GOLGA8Q: variants seen among roughly 807,000 people sequenced by gnomAD.
The protein encoded by GOLGA8Q is golgin A8 family member Q.
A neutral mutation model predicts 48.7 loss-of-function variants in GOLGA8Q; 3 were observed. That is an observed-to-expected ratio of 0.06 (90% confidence interval 0.03 to 0.16). GOLGA8Q has a LOEUF of 0.16. GOLGA8Q is among the 10% of genes least tolerant of loss of function. The pLI is 1.00. For synonymous variants in GOLGA8Q, 22 were observed against 138.2 expected, an observed-to-expected ratio of 0.16 and a Z score of 5.90; for missense variants, 49 against 364.3, an observed-to-expected ratio of 0.13 and a Z score of 7.05.
rs777577785 is a variant in GOLGA8Q, at chr15:30,558,072, C to T, written c.786+21C>T. The T allele has an allele frequency of 1.3e-5, 14 of 1,050,252 alleles. 3 individuals carry two copies. Among genetic ancestry groups the T allele is most frequent in the South Asian group, 1.3e-4 (9 of 71,102 alleles). The allele number at this position is 1,050,252 out of a possible 1,614,324, so 65.1% of individuals were successfully genotyped here. A position where few individuals can be genotyped will look rare whatever the true frequency, so the allele number is the denominator to read the frequency against. ...AGGAGGTGAGATCTGACCCTTCAGC[C>T]CCCCCACATTAGATAGGGCACTGGA... On this transcript the variant is annotated intron_variant, in intron 10 of 18. Coordinates refer to ENST00000562783, the MANE Select transcript of GOLGA8Q (RefSeq NM_001355476.2).
At position 30,554,347 on chromosome 15, in the gene GOLGA8Q, C is replaced by T. The variant is rs1481494495; in HGVS notation, c.168+436C>T. 5.3e-5 allele frequency among the ~76,000 whole-genome samples: 6 copies of T among 114,090 alleles called. No individual in the cohort carries two copies. In the East Asian group the frequency reaches 1.0e-3, roughly 20 times the overall value. 74.8% of individuals were successfully genotyped at this position (114,090 alleles called of 152,430 possible). ...CTGGGTTTGAATCCTGCCTCTCCATCTGCTCTGCTAGGGATATGATTTAGG... is the reference window on the plus strand; with the variant it reads ...CTGGGTTTGAATCCTGCCTCTCCATTTGCTCTGCTAGGGATATGATTTAGG... On this transcript the variant is annotated intron_variant, in intron 2 of 18. Coordinates refer to ENST00000562783, the MANE Select transcript of GOLGA8Q (RefSeq NM_001355476.2).
rs1324425829 is a variant in GOLGA8Q, at chr15:30,558,018, G to A, written c.753G>A (p.Arg251=). ...CAEHIEGERA[R]WHQRMSKMLQ... ...AACATATAGAAGGAGAGAGGGCCCGGTGGCATCAGAGGATGAGTAAAATGT... is the reference window on the plus strand; with the variant it reads ...AACATATAGAAGGAGAGAGGGCCCGATGGCATCAGAGGATGAGTAAAATGT... Residue 251 remains arginine, a synonymous_variant, in exon 10 of 19, where the codon CGG becomes CGA. Transcript: ENST00000562783. 1.7e-6 allele frequency: 2 copies of A among 1,157,132 alleles called. No individual in the cohort carries two copies. The highest frequency in any genetic ancestry group is 2.3e-5 in the East Asian group (1 of 43,288). The allele number at this position is 1,157,132 out of a possible 1,614,324, so 71.7% of individuals were successfully genotyped here.
At position 30,559,772 on chromosome 15, in the gene GOLGA8Q, T is replaced by C. The variant is rs1342050388; in HGVS notation, c.1200+481T>C. 5.5e-5 allele frequency among the ~76,000 whole-genome samples: 8 copies of C among 146,432 alleles called. No homozygotes were observed. In the East Asian group the frequency reaches 1.6e-3, roughly 30 times the overall value. On this transcript the variant is annotated intron_variant, in intron 13 of 18. Transcript: ENST00000562783. ...ACTCGGGAGGCTGAGGCACGAGAAT[T>C]GCTTCAACCCAGGAGGTGGAGGTTG...
chr15:30,559,805 C>T (rs1469702354), intron 13 of GOLGA8Q, among the ~76,000 whole-genome samples: 1 of 141,004 alleles, frequency 7.1e-6, no homozygotes, highest in African/African-American at 2.7e-5. Context: ...TTGCAGTGAG[C>T]TGAGATTGCA....
At chr15:30,555,669 A>G (rs2059637285) in intron 4 of GOLGA8Q, among the ~76,000 whole-genome samples, 1 of 98,982 alleles carries the variant, frequency 1.0e-5, no homozygotes, top group South Asian at 2.9e-4. Flanking sequence ...GAATGAACCC[A>G]CTTTTCTAAA....
In GOLGA8Q at chr15:30,553,793, TAAAAG is replaced by T; in HGVS notation, c.53_57del (p.Lys18IlefsTer8). ...TATTACTGCTCTTCTTTCCAACAGT[TAAAAG>T]AATATTGGCAGAAAAACAGACCTAG... On this transcript the variant is annotated frameshift_variant and splice_region_variant, in exon 2 of 19. Coordinates refer to ENST00000562783, the MANE Select transcript of GOLGA8Q (RefSeq NM_001355476.2). LOFTEE classifies it high-confidence loss of function. 9.4e-7 allele frequency: 1 copy of T among 1,064,472 alleles called. No individual in the cohort carries two copies. The highest frequency in any genetic ancestry group is 1.2e-6 in the Non-Finnish European group (1 of 800,010). 65.9% of individuals were successfully genotyped at this position (1,064,472 alleles called of 1,614,324 possible).
At chr15:30,560,712 T>A in intron 14 of GOLGA8Q, 101 bp downstream of exon 14, 1 of 626,362 alleles carries the variant, frequency 1.6e-6, no homozygotes, top group Non-Finnish European at 2.5e-6. Context: ...TTAGAGCAGC[T>A]GGTCATTATG....
chr15:30,558,147 G>A lies in GOLGA8Q; in HGVS notation c.786+96G>A. On this transcript the variant is annotated intron_variant, in intron 10 of 18. Coordinates refer to ENST00000562783, the MANE Select transcript of GOLGA8Q (RefSeq NM_001355476.2). ...GAATAGTAGAGCCAGAGGTGGTCAT[G>A]GGTCTGGGCTTTGTGGAGGTGGGGG... is the stretch of plus-strand genomic sequence containing the variant. The A allele has an allele frequency of 1.5e-5, 7 of 481,978 alleles. 3 individuals are homozygous for A. The highest frequency in any genetic ancestry group is 9.8e-5 in the African/African-American group (2 of 20,480). The allele number at this position is 481,978 out of a possible 1,614,324, so 29.9% of individuals were successfully genotyped here. A position where few individuals can be genotyped will look rare whatever the true frequency, so the allele number is the denominator to read the frequency against.
rs201426787 is a variant in GOLGA8Q at position 30,553,948 on chromosome 15, G to A, written c.168+37G>A. ...CTGACCAGGCTTCTGGGGACAGGGG[G>A]CCCAAGGGGCAATAGAGGGTAATTC... On this transcript the variant is annotated intron_variant, in intron 2 of 18. Coordinates refer to ENST00000562783, the MANE Select transcript of GOLGA8Q (RefSeq NM_001355476.2). The A allele has an allele frequency of 2.5e-6, 2 of 808,940 alleles. 1 individual carries two copies. The highest frequency in any genetic ancestry group is 3.4e-5 in the South Asian group (2 of 59,498). 50.1% of individuals were successfully genotyped at this position (808,940 alleles called of 1,614,324 possible).
At chr15:30,561,513 GAGCCAGAGGC>G (rs1474693095) in intron 15 of GOLGA8Q, among the ~76,000 whole-genome samples, 186 bp from the exon 16 acceptor site, 269 of 134,098 alleles carry the variant, frequency 2.0e-3, no homozygotes, top group African/African-American at 2.9e-3. Context: ...GGCCCAGAAG[GAGCCAGAGGC>G]AGCCAGAGGC....
Position 30,560,522 on chromosome 15 carries a change from T to C in GOLGA8Q, c.1201-14T>C. Reference sequence around the variant, plus strand: ...GCAAACTCCATCCCTTCTCACTCTTTCCTGGCCCCTTAGGAGCACCTGGAA... The same window carrying C: ...GCAAACTCCATCCCTTCTCACTCTTCCCTGGCCCCTTAGGAGCACCTGGAA... On this transcript the variant is annotated splice_polypyrimidine_tract_variant and intron_variant, in intron 13 of 18. Transcript: ENST00000562783. 9.1e-7 allele frequency: 1 copy of C among 1,101,816 alleles called. No homozygotes were observed. Among genetic ancestry groups the C allele is most frequent in the South Asian group, 1.5e-5 (1 of 68,346 alleles). 68.3% of individuals were successfully genotyped at this position (1,101,816 alleles called of 1,614,324 possible). A position where few individuals can be genotyped will look rare whatever the true frequency, so the allele number is the denominator to read the frequency against.
At chr15:30,554,272 C>T (rs1016154644) in intron 2 of GOLGA8Q, among the ~76,000 whole-genome samples, 1 of 125,152 alleles carries the variant, frequency 8.0e-6, no homozygotes, top group Non-Finnish European at 1.7e-5. Flanking sequence ...CACCGCACTC[C>T]AGCCTGGTGA....
chr15:30,557,287 A>AT (rs1188375352), intron 8 of GOLGA8Q, among the ~76,000 whole-genome samples: 2 of 63,572 alleles, frequency 3.1e-5, no homozygotes, highest in Non-Finnish European at 6.0e-5. Flanking sequence ...AGCAAGAAAA[A>AT]TGGGCTTAGA....
chr15:30,560,572 C>T lies in GOLGA8Q; in HGVS notation c.1237C>T (p.Leu413=), dbSNP rs1353166440. 5 of 1,131,310 alleles carry T rather than the reference C, an allele frequency of 4.4e-6. 2 individuals carry two copies. Among genetic ancestry groups the T allele is most frequent in the Non-Finnish European group, 6.0e-6 (5 of 835,206 alleles). 70.1% of individuals were successfully genotyped at this position (1,131,310 alleles called of 1,614,324 possible). A position where few individuals can be genotyped will look rare whatever the true frequency, so the allele number is the denominator to read the frequency against. The change falls in exon 14 of 19, where the codon CTA becomes TTA. Residue 413 remains leucine (L), a synonymous_variant. Coordinates refer to ENST00000562783, the MANE Select transcript of GOLGA8Q (RefSeq NM_001355476.2). ...LEAASQQNQQ[L]TAQLNLMALP... The stretch of plus-strand genomic sequence containing the variant: ...AGCGGCCAGCCAGCAGAACCAGCAG[C>T]TAACGGCCCAGCTGAACCTCATGGC...
rs1165497374 is a variant in GOLGA8Q at position 30,559,305 on chromosome 15, A to G, written c.1200+14A>G. The G allele has an allele frequency of 9.4e-7, 1 of 1,058,494 alleles. No individual in the cohort carries two copies. The highest frequency in any genetic ancestry group is 2.4e-5 in the East Asian group (1 of 41,290). 65.6% of individuals were successfully genotyped at this position (1,058,494 alleles called of 1,614,324 possible). On this transcript the variant is annotated intron_variant, in intron 13 of 18. Transcript: ENST00000562783. ...AAGCTTGGCGAGGTGAAGGAGACGG[A>G]AACCTCCACCCCATCCAAGAAGGGC...
chr15:30,560,662 G>A, intron 14 of GOLGA8Q, 51 bp downstream of exon 14: 1 of 814,722 alleles, frequency 1.2e-6, no homozygotes, highest in South Asian at 1.6e-5. Flanking sequence ...AGGAAGGGGG[G>A]ACTGCTAGCA....
At chr15:30,554,321 T>G (rs1447273980) in intron 2 of GOLGA8Q, among the ~76,000 whole-genome samples, 2 of 121,964 alleles carry the variant, frequency 1.6e-5, no homozygotes, top group Admixed American at 1.6e-4. Context: ...AAAAAGGAAT[T>G]CTGGGTTTGA....
At chr15:30,559,633 C>A (rs1464428749) in intron 13 of GOLGA8Q, 1 of 370,428 alleles carries the variant, frequency 2.7e-6, no homozygotes, top group African/African-American at 2.2e-5. Context: ...AGAAGAATCA[C>A]TTGAGGTCGG....
Position 30,560,577 on chromosome 15 carries a change from G to C in GOLGA8Q, c.1242G>C (p.Thr414=). The stretch of plus-strand genomic sequence containing the variant: ...CCAGCCAGCAGAACCAGCAGCTAAC[G>C]GCCCAGCTGAACCTCATGGCTCTCC... ...EAASQQNQQL[T]AQLNLMALPG... is the part of the protein sequence containing the mutation. Residue 414 remains threonine (T), a synonymous_variant, in exon 14 of 19, where the codon ACG becomes ACC. Coordinates refer to ENST00000562783, the MANE Select transcript of GOLGA8Q (RefSeq NM_001355476.2). 2 of 1,131,850 alleles carry C rather than the reference G, an allele frequency of 1.8e-6. 1 individual carries two copies. The highest frequency in any genetic ancestry group is 2.4e-6 in the Non-Finnish European group (2 of 835,416). 70.1% of individuals were successfully genotyped at this position (1,131,850 alleles called of 1,614,324 possible).
Sources: gnomAD v4.1 joint callset for allele counts (sites outside exome capture counted in the v4.1 genomes callset) on GRCh38, gnomAD v4.1.1 for gene constraint, MANE v1.5 for transcripts, NCBI Gene and HGNC (gene_info 2026-07-23, HGNC 2026-07-21) for gene names.